The following YTHDC2 variants were observed in gnomAD, a reference collection of about 807,000 sequenced individuals.
The protein encoded by YTHDC2 is YTH N6-methyladenosine RNA binding protein C2.
YTHDC2 carries 45 observed loss-of-function variants against 174.9 expected under a neutral mutation model. The observed-to-expected ratio is 0.26, with a 90% CI of 0.20 to 0.33. The LOEUF (loss-of-function observed/expected upper bound fraction) is 0.33. YTHDC2 is among the 10% of genes least tolerant of loss of function. YTHDC2 has a pLI of 1.00. For missense variants in YTHDC2, 1,650 were observed against 1,723.7 expected, an observed-to-expected ratio of 0.96 and a Z score of 0.76; for synonymous variants, 657 against 574.5, an observed-to-expected ratio of 1.14 and a Z score of -2.05.
chr5:113,539,902 T>G (rs1477012990), intron 8 of YTHDC2, among the ~76,000 whole-genome samples: 1 of 151,778 alleles, frequency 6.6e-6, no homozygotes, highest in Non-Finnish European at 1.5e-5. Context: ...AAAAAAAAAT[T>G]AAAAAAAAAT....
intron 18 of YTHDC2, among the ~76,000 whole-genome samples, chr5:113,561,473 ATTT>A (rs33978462): frequency 7.2e-6 from 1 of 138,482 alleles, no homozygotes. Flanking sequence ...ATCTATCTAT[ATTT>A]TTTTTTTTTT....
chr5:113,592,454 T>C (rs1561718083), intron 28 of YTHDC2: 1 of 244,240 alleles, frequency 4.1e-6, no homozygotes. Flanking sequence ...TAGTGGCTTG[T>C]TTATTTCTAT....
intron 4 of YTHDC2, 151 bp from the exon 5 acceptor site, chr5:113,532,728 C>T (rs890283003): frequency 3.6e-6 from 2 of 563,326 alleles, no homozygotes; most frequent in African/African-American, 1.9e-5. Context: ...CATTTTTTAG[C>T]TGATTACTAG....
At chr5:113,542,119 A>G (rs1187960949) in intron 9 of YTHDC2, among the ~76,000 whole-genome samples, 1 of 152,212 alleles carries the variant, frequency 6.6e-6, no homozygotes, top group African/African-American at 2.4e-5. Context: ...TGGAAGCACA[A>G]TTAACATCGT....
At chr5:113,593,245 C>A in intron 28 of YTHDC2, 58 bp from the exon 29 acceptor site, 2 of 1,315,202 alleles carry the variant, frequency 1.5e-6, no homozygotes, top group South Asian at 2.4e-5. Context: ...AGGTTTTGGT[C>A]ATTAAAAATT....
At chr5:113,582,004 A>G (rs1778433283) in intron 25 of YTHDC2, 1 of 202,238 alleles carries the variant, frequency 4.9e-6, no homozygotes, top group Non-Finnish European at 9.8e-6. Flanking sequence ...TCAAAAATAT[A>G]TAGACATTTT....
At position 113,572,449 on chromosome 5, in the gene YTHDC2, T is replaced by G. The variant is rs556219310; in HGVS notation, c.3244+4600T>G. On this transcript the variant is annotated intron_variant, in intron 23 of 29. Transcript: ENST00000161863. ...AGAAGAATGTATATTCTCTTGTTTT[T>G]GGGTAGAGAGTTCTGTAGATATCTA... is the stretch of plus-strand genomic sequence containing the variant. Among the ~76,000 whole-genome samples the G allele has an allele frequency of 3.9e-5, 6 of 152,340 alleles. No homozygotes were observed. In the South Asian group the frequency reaches 8.3e-4, roughly 21 times the overall value.
intron 2 of YTHDC2, among the ~76,000 whole-genome samples, chr5:113,518,452 T>C (rs781450985): frequency 3.3e-5 from 5 of 152,012 alleles, no homozygotes; most frequent in Non-Finnish European, 5.9e-5. Context: ...TCCTCCCTCA[T>C]TGGCCTCCCA....
intron 17 of YTHDC2, among the ~76,000 whole-genome samples, chr5:113,557,102 C>A (rs548058725): frequency 9.2e-5 from 14 of 152,016 alleles, no homozygotes; most frequent in African/African-American, 3.4e-4. Flanking sequence ...ACAAATGCAT[C>A]GAGAAGTCTG....
intron 4 of YTHDC2, among the ~76,000 whole-genome samples, chr5:113,530,833 A>G (rs1169084709): frequency 6.6e-6 from 1 of 152,054 alleles, no homozygotes; most frequent in Non-Finnish European, 1.5e-5. Flanking sequence ...TTTCTCTGTA[A>G]AGAACTTAAA....
At chr5:113,580,889 G>T (rs537634592) in intron 24 of YTHDC2, among the ~76,000 whole-genome samples, 34 of 152,238 alleles carry the variant, frequency 2.2e-4, no homozygotes, top group Admixed American at 1.3e-3. Context: ...CCTGCTGTGT[G>T]TGTTTGTGCC....
rs946530677 is a variant in YTHDC2 at position 113,514,317 on chromosome 5, A to C, written c.187+235A>C. ...TGGGGTTATGGGCACTTTGCTCCCTAGCTGAAAGTGTTTTTCCCCCGCGTC... is the reference window on the plus strand; with the variant it reads ...TGGGGTTATGGGCACTTTGCTCCCTCGCTGAAAGTGTTTTTCCCCCGCGTC... On this transcript the variant is annotated intron_variant, in intron 1 of 29. Coordinates refer to ENST00000161863, the MANE Select transcript of YTHDC2 (RefSeq NM_022828.5). 3 of 695,992 alleles carry C rather than the reference A, an allele frequency of 4.3e-6. No homozygotes were observed. The African/African-American group carries it at 5.3e-5, about 12-fold the overall frequency. 43.1% of individuals were successfully genotyped at this position (695,992 alleles called of 1,614,324 possible). A position where few individuals can be genotyped will look rare whatever the true frequency, so the allele number is the denominator to read the frequency against.
At chr5:113,544,439 A>G (rs918257769) in intron 10 of YTHDC2, among the ~76,000 whole-genome samples, 4 of 152,114 alleles carry the variant, frequency 2.6e-5, no homozygotes, top group African/African-American at 2.4e-5. Context: ...ATGAGTCACC[A>G]CACCCAGCCC....
In YTHDC2 at chr5:113,588,153, A is replaced by G. The variant is rs116633134; in HGVS notation, c.3826-2888A>G. 8.5e-3 allele frequency among the ~76,000 whole-genome samples: 1,289 copies of G among 152,206 alleles called. 19 individuals carry two copies. Among genetic ancestry groups the G allele is most frequent in the African/African-American group, 0.03 (1,239 of 41,554 alleles). Reference sequence around the variant, plus strand: ...AGCTTTTTATGCCTTCTGATAATAAAGATAATTTTACTCTTTTCCTTTTCA... The same window carrying G: ...AGCTTTTTATGCCTTCTGATAATAAGGATAATTTTACTCTTTTCCTTTTCA... On this transcript the variant is annotated intron_variant, in intron 26 of 29. Coordinates refer to ENST00000161863, the MANE Select transcript of YTHDC2 (RefSeq NM_022828.5).
intron 23 of YTHDC2, among the ~76,000 whole-genome samples, chr5:113,577,711 G>C (rs13359703): frequency 0.3 from 46,321 of 151,992 alleles, 9,250 homozygotes; most frequent in African/African-American, 0.55. Context: ...AGGAAATTTA[G>C]TATCTTTTAA....
chr5:113,526,834 TA>T (rs1183583254), intron 4 of YTHDC2, 49 bp downstream of exon 4: 1 of 354,866 alleles, frequency 2.8e-6, no homozygotes, highest in Non-Finnish European at 4.4e-6. Context: ...AAAATATATA[TA>T]TATATATATA....
chr5:113,548,744 C>T (rs1776054037), intron 11 of YTHDC2, 77 bp downstream of exon 11: 2 of 1,422,674 alleles, frequency 1.4e-6, no homozygotes, highest in East Asian at 2.5e-5. Context: ...TTATGTTTGT[C>T]TTTATATTAA....
intron 23 of YTHDC2, among the ~76,000 whole-genome samples, chr5:113,577,223 T>C (rs927090738): frequency 1.3e-5 from 2 of 152,172 alleles, no homozygotes; most frequent in African/African-American, 4.8e-5. Context: ...AATTCTAATA[T>C]CTGGTAGTAG....
At chr5:113,526,560 T>C in intron 3 of YTHDC2, 26 bp from the exon 4 acceptor site, 1 of 1,543,122 alleles carries the variant, frequency 6.5e-7, no homozygotes, top group Non-Finnish European at 8.8e-7. Context: ...ATCATACATT[T>C]TTTGTTCTTT....
Sources: gnomAD v4.1 joint callset for allele counts (sites outside exome capture counted in the v4.1 genomes callset) on GRCh38, gnomAD v4.1.1 for gene constraint, MANE v1.5 for transcripts, NCBI Gene and HGNC (gene_info 2026-07-23, HGNC 2026-07-21) for gene names.